The following BMPER variants were observed in gnomAD, a reference collection of about 807,000 sequenced individuals.
BMPER encodes the protein BMP-binding endothelial regulator protein.
Under a neutral mutation model 87.3 loss-of-function variants are expected in BMPER, and 45 were observed. The ratio of observed to expected loss-of-function variants is 0.52; its 90% CI spans 0.41 to 0.66. The LOEUF (loss-of-function observed/expected upper bound fraction) is 0.66, where lower values mean the gene tolerates loss of function less well. BMPER is among the 30% of genes least tolerant of loss of function. BMPER has a pLI of 0.00. For missense variants in BMPER, 784 were observed against 867.5 expected, an observed-to-expected ratio of 0.90 and a Z score of 1.21; for synonymous variants, 326 against 316.2, an observed-to-expected ratio of 1.03 and a Z score of -0.33.
chr7:34,075,441 C>T (rs1430449097), intron 11 of BMPER, among the ~76,000 whole-genome samples: 1 of 151,550 alleles, frequency 6.6e-6, no homozygotes, highest in Non-Finnish European at 1.5e-5. Context: ...TGGTTTTGTA[C>T]ACTTCTGATC....
intron 6 of BMPER, among the ~76,000 whole-genome samples, chr7:33,998,053 G>A (rs138137755): frequency 6.6e-6 from 1 of 152,164 alleles, no homozygotes; most frequent in African/African-American, 2.4e-5. Context: ...CATTAGGACT[G>A]GGACATTGTT....
At chr7:34,129,656 G>GAA (rs1449177809) in intron 13 of BMPER, among the ~76,000 whole-genome samples, 2 of 150,756 alleles carry the variant, frequency 1.3e-5, no homozygotes, top group Non-Finnish European at 3.0e-5. Context: ...AAGAAAGAAA[G>GAA]AAAGAAAGAA....
At chr7:33,923,328 C>T (rs758682815) in intron 2 of BMPER, among the ~76,000 whole-genome samples, 6 of 152,342 alleles carry the variant, frequency 3.9e-5, no homozygotes, top group African/African-American at 1.2e-4. Context: ...GCCACACACA[C>T]CCGTCTGTAA....
intron 5 of BMPER, among the ~76,000 whole-genome samples, chr7:33,972,230 A>T (rs1785568530): frequency 6.6e-6 from 1 of 151,948 alleles, no homozygotes; most frequent in Non-Finnish European, 1.5e-5. Flanking sequence ...CACAGAATCA[A>T]CTCAGAGCTG....
chr7:34,137,087 A>G (rs893204335), intron 13 of BMPER, among the ~76,000 whole-genome samples: 3 of 152,254 alleles, frequency 2.0e-5, no homozygotes, highest in Non-Finnish European at 4.4e-5. Flanking sequence ...CCTTTTTAAT[A>G]ACATGAAAAA....
At chr7:34,043,123 G>T (rs1296286017) in intron 6 of BMPER, among the ~76,000 whole-genome samples, 1 of 152,166 alleles carries the variant, frequency 6.6e-6, no homozygotes, top group Admixed American at 6.5e-5. Context: ...TCTTTATGCT[G>T]GAGTTGGGAG....
chr7:34,117,755 G>A (rs1790154173), intron 13 of BMPER, among the ~76,000 whole-genome samples: 1 of 152,182 alleles, frequency 6.6e-6, no homozygotes, highest in Admixed American at 6.5e-5. Context: ...CAGAAGGTTG[G>A]GATAGAAGAG....
rs1400092425 is a variant in BMPER, at chr7:33,919,945, A to ATCTATCTATCTATCTG, written c.219+13051_219+13052insCTATCTGTCTATCTAT. Among the ~76,000 whole-genome samples, 11 of 152,160 alleles carry ATCTATCTATCTATCTG rather than the reference A, an allele frequency of 7.2e-5. 1 individual carries two copies. Among genetic ancestry groups the ATCTATCTATCTATCTG allele is most frequent in the East Asian group, 3.9e-4 (2 of 5,174 alleles). ...TACATATCTATCTATCTATCTATCT[A>ATCTATCTATCTATCTG]TCTATCTATATGTATTTATATAACA... On this transcript the variant is annotated intron_variant, in intron 2 of 14. Transcript: ENST00000649409.
At chr7:33,960,593 T>A (rs1325081208) in intron 3 of BMPER, among the ~76,000 whole-genome samples, 1 of 152,328 alleles carries the variant, frequency 6.6e-6, no homozygotes, top group East Asian at 1.9e-4. Context: ...TATGACTGTT[T>A]GTGTGCTTAT....
At chr7:34,067,845 G>T (rs534368014) in intron 11 of BMPER, among the ~76,000 whole-genome samples, 1 of 152,202 alleles carries the variant, frequency 6.6e-6, no homozygotes, top group Non-Finnish European at 1.5e-5. Context: ...ATGCTGTTCT[G>T]CTCTAAGGGA....
At chr7:33,950,548 C>T (rs142035805) in intron 3 of BMPER, among the ~76,000 whole-genome samples, 217 of 152,218 alleles carry the variant, frequency 1.4e-3, no homozygotes, top group African/African-American at 4.7e-3. Flanking sequence ...ACGTGGCTGT[C>T]GGCAGAATTC....
At chr7:33,905,802 A>C in intron 1 of BMPER, 56 bp downstream of exon 1, 10 of 1,446,862 alleles carry the variant, frequency 6.9e-6, no homozygotes, top group Non-Finnish European at 9.4e-6. Flanking sequence ...GGTACCTGGG[A>C]AAGGTGGCGC....
chr7:34,040,732 T>C lies in BMPER; in HGVS notation c.577-5574T>C, dbSNP rs1419295456. 2.0e-5 allele frequency among the ~76,000 whole-genome samples: 3 copies of C among 152,130 alleles called. No homozygotes were observed. In the East Asian group the frequency reaches 5.8e-4, roughly 29 times the overall value. On this transcript the variant is annotated intron_variant, in intron 6 of 14. Transcript: ENST00000649409. ...GATTATAAATTAGCTATGGGGATGG[T>C]GAACACTTTATCTTCTTCCTAAGAG...
intron 2 of BMPER, among the ~76,000 whole-genome samples, chr7:33,914,100 C>T (rs1175417874): frequency 6.6e-6 from 1 of 151,502 alleles, no homozygotes; most frequent in East Asian, 1.9e-4. Flanking sequence ...GTAGCTGGGA[C>T]TACAGGCGCC....
At chr7:34,060,323 G>C (rs908049984) in intron 10 of BMPER, among the ~76,000 whole-genome samples, 3 of 151,850 alleles carry the variant, frequency 2.0e-5, no homozygotes, top group Non-Finnish European at 2.9e-5. Flanking sequence ...TGCTGCATTG[G>C]GATAAAGCAC....
chr7:34,132,426 C>T (rs1229200747), intron 13 of BMPER, among the ~76,000 whole-genome samples: 1 of 151,746 alleles, frequency 6.6e-6, no homozygotes, highest in African/African-American at 2.4e-5. Context: ...GAAGCCAGTT[C>T]TGCCCTGCTC....
intron 6 of BMPER, among the ~76,000 whole-genome samples, chr7:33,997,894 C>A (rs866958573): frequency 6.6e-6 from 1 of 152,108 alleles, no homozygotes; most frequent in Non-Finnish European, 1.5e-5. Context: ...AAATGGTAAC[C>A]CTGCTTTGCT....
chr7:33,966,669 G>A, intron 4 of BMPER, 108 bp downstream of exon 4: 6 of 1,052,862 alleles, frequency 5.7e-6, no homozygotes, highest in Middle Eastern at 2.2e-4. Flanking sequence ...AAACAGAAAT[G>A]AAAAAAACAA....
intron 6 of BMPER, among the ~76,000 whole-genome samples, chr7:34,034,669 A>G (rs1248793243): frequency 6.6e-6 from 1 of 152,224 alleles, no homozygotes; most frequent in African/African-American, 2.4e-5. Context: ...AGTAGGGCCT[A>G]TACTTGAATC....
Sources: gnomAD v4.1 joint callset for allele counts (sites outside exome capture counted in the v4.1 genomes callset) on GRCh38, gnomAD v4.1.1 for gene constraint, MANE v1.5 for transcripts, NCBI Gene and HGNC (gene_info 2026-07-23, HGNC 2026-07-21) for gene names.